Variants in ALKBH1 observed in about 807,000 individuals in gnomAD.
ALKBH1 encodes nucleic acid dioxygenase ALKBH1.
In ALKBH1, 31 loss-of-function variants were observed where a neutral mutation model predicts 36.6. The ratio of observed to expected loss-of-function variants is 0.85; its 90% CI spans 0.64 to 1.14. ALKBH1 has a LOEUF of 1.14. ALKBH1 is among the 50% of genes most tolerant of loss of function. ALKBH1 has a pLI of 0.00. For missense variants in ALKBH1, 490 were observed against 497.3 expected, an observed-to-expected ratio of 0.99 and a Z score of 0.14; for synonymous variants, 183 against 186.6, an observed-to-expected ratio of 0.98 and a Z score of 0.16.
In ALKBH1 at chr14:77,674,190, G is replaced by A. The variant is rs2080192471; in HGVS notation, c.792C>T (p.Ala264=). 6.2e-7 allele frequency: 1 copy of A among 1,613,606 alleles called. No individual in the cohort carries two copies. The highest frequency in any genetic ancestry group is 1.1e-5 in the South Asian group (1 of 91,014). Residue 264 remains alanine, a synonymous_variant, in exon 6 of 6, where the codon GCC becomes GCT. Transcript: ENST00000216489. ...CACTGTGCATAAACATGGCCGTGGG[G>A]GCCTCATCCCTTTGAAGACCACCCA... The part of the protein sequence containing the change: ...FLLGGLQRDE[A]PTAMFMHSGD...
In ALKBH1 at chr14:77,674,057, G is replaced by A; in HGVS notation, c.925C>T (p.Leu309Phe). 1.2e-6 allele frequency: 2 copies of A among 1,614,212 alleles called. No homozygotes were observed. The highest frequency in any genetic ancestry group is 1.7e-6 in the Non-Finnish European group (2 of 1,180,044). The change falls in exon 6 of 6, where the codon CTC (leucine) becomes TTC (phenylalanine). Residue 309 changes from leucine to phenylalanine, a missense_variant. Physicochemically the swap from Leu to Phe is conservative, Grantham distance 22 (BLOSUM62 0). Coordinates refer to ENST00000216489, the MANE Select transcript of ALKBH1 (RefSeq NM_006020.3). ...EGLPHCLEAP[L>F]PAVLPRDSMV... ...GAATCTCTCGGGAGGACAGCAGGGA[G>A]AGGTGCCTCTAGGCAGTGAGGCAGG...
Position 77,673,991 on chromosome 14 carries a change from C to T in ALKBH1, c.991G>A (p.Ala331Thr). The change falls in exon 6 of 6, where the codon GCC (alanine) becomes ACC (threonine). Residue 331 changes from alanine (A) to threonine (T), a missense_variant. Physicochemically the swap from Ala to Thr is moderately conservative, Grantham distance 58. Coordinates refer to ENST00000216489, the MANE Select transcript of ALKBH1 (RefSeq NM_006020.3). Reference protein sequence around the residue: ...PCSMEDWQVCASYLKTARVNM... With the variant: ...PCSMEDWQVCTSYLKTARVNM... The stretch of plus-strand genomic sequence containing the variant: ...ACACGAGCGGTCTTCAAGTAGCTGG[C>T]ACACACCTGCCAGTCCTCCATAGAA... 1 of 1,614,190 alleles carries T rather than the reference C, an allele frequency of 6.2e-7. No individual in the cohort carries two copies. The highest frequency in any genetic ancestry group is 1.7e-5 in the Admixed American group (1 of 60,014).
intron 3 of ALKBH1, among the ~76,000 whole-genome samples, chr14:77,687,430 T>C (rs892838296): frequency 7.9e-5 from 12 of 152,206 alleles, no homozygotes; most frequent in Non-Finnish European, 1.2e-4. Context: ...TACTTAAGAA[T>C]AGACAATAAA....
chr14:77,675,736 A>G lies in ALKBH1; in HGVS notation c.660T>C (p.Asn220=). 6.2e-7 allele frequency: 1 copy of G among 1,614,038 alleles called. No homozygotes were observed. Among genetic ancestry groups the G allele is most frequent in the East Asian group, 2.2e-5 (1 of 44,882 alleles). ...EDFRAEAGIL[N]YYRLDSTLGI... is the part of the protein sequence containing the mutation. ...CCAGTGTGGAGTCCAGGCGGTAGTAATTCAGGATCCCTGCTTCAGCTCGGA... is the reference window on the plus strand; with the variant it reads ...CCAGTGTGGAGTCCAGGCGGTAGTAGTTCAGGATCCCTGCTTCAGCTCGGA... The change falls in exon 5 of 6, where the codon AAT becomes AAC. Residue 220 remains asparagine, a synonymous_variant. Transcript: ENST00000216489.
At chr14:77,686,378 T>G (rs756626367) in intron 3 of ALKBH1, among the ~76,000 whole-genome samples, 2 of 152,204 alleles carry the variant, frequency 1.3e-5, no homozygotes, top group African/African-American at 2.4e-5. Context: ...AGGAAATACG[T>G]TGGCACCTAA....
At chr14:77,707,727 G>T (rs2080403809) in intron 1 of ALKBH1, 95 bp downstream of exon 1, 1 of 1,378,762 alleles carries the variant, frequency 7.3e-7, no homozygotes, top group Non-Finnish European at 9.8e-7. Flanking sequence ...AATAACAATC[G>T]GTCTGGAGGT....
chr14:77,699,223 A>G (rs376551059), intron 2 of ALKBH1, among the ~76,000 whole-genome samples: 1 of 152,264 alleles, frequency 6.6e-6, no homozygotes, highest in East Asian at 1.9e-4. Flanking sequence ...TATTAGCAAT[A>G]ACGACACATT....
chr14:77,706,282 G>C (rs1218808567), intron 1 of ALKBH1, among the ~76,000 whole-genome samples: 1 of 152,014 alleles, frequency 6.6e-6, no homozygotes, highest in East Asian at 1.9e-4. Context: ...AGTTTTCCAG[G>C]TACCTAGGCA....
rs1320031051 is a variant in ALKBH1, at chr14:77,673,344, T to C, written c.*468A>G. The C allele has an allele frequency of 1.9e-5, 3 of 157,550 alleles. No individual in the cohort carries two copies. The highest frequency in any genetic ancestry group is 1.9e-4 in the South Asian group (1 of 5,386). 9.8% of individuals were successfully genotyped at this position (157,550 alleles called of 1,614,324 possible). A position where few individuals can be genotyped will look rare whatever the true frequency, so the allele number is the denominator to read the frequency against. Reference sequence around the variant, plus strand: ...GAGGTGGAAGAGAAGATCAAAGAATTTGATGATGCCTGAGGGAGTTAAGAA... The same window carrying C: ...GAGGTGGAAGAGAAGATCAAAGAATCTGATGATGCCTGAGGGAGTTAAGAA... On this transcript the variant is annotated 3_prime_UTR_variant, in exon 6 of 6. Transcript: ENST00000216489.
intron 2 of ALKBH1, among the ~76,000 whole-genome samples, chr14:77,698,718 C>T (rs2080342360): frequency 6.6e-6 from 1 of 152,150 alleles, no homozygotes; most frequent in Non-Finnish European, 1.5e-5. Context: ...TGTTTTCTGT[C>T]AAGAACTAGA....
chr14:77,689,966 G>A (rs1329179011), intron 3 of ALKBH1, among the ~76,000 whole-genome samples: 1 of 152,104 alleles, frequency 6.6e-6, no homozygotes, highest in Non-Finnish European at 1.5e-5. Context: ...GGCAGCCTGG[G>A]CAACATAGCA....
intron 3 of ALKBH1, among the ~76,000 whole-genome samples, chr14:77,686,250 A>G (rs1470186664): frequency 6.6e-6 from 1 of 152,346 alleles, no homozygotes; most frequent in Admixed American, 6.5e-5. Context: ...ATCATTTTTA[A>G]GCATAAAATA....
At position 77,672,682 on chromosome 14, in the gene ALKBH1, C is replaced by T. The variant is rs2267755; in HGVS notation, c.*1130G>A. The T allele has an allele frequency of 0.34, 51,020 of 152,036 alleles. 9,847 individuals are homozygous for T. The highest frequency in any genetic ancestry group is 0.5 in the East Asian group (2,597 of 5,154). The allele number at this position is 152,036 out of a possible 1,614,324, so 9.4% of individuals were successfully genotyped here. A position where few individuals can be genotyped will look rare whatever the true frequency, so the allele number is the denominator to read the frequency against. ...AATTCTCTTTCAAATACCAATATCCCTTTAGGAAGATGGTAGTCTACAGTA... is the reference window on the plus strand; with the variant it reads ...AATTCTCTTTCAAATACCAATATCCTTTTAGGAAGATGGTAGTCTACAGTA... On this transcript the variant is annotated 3_prime_UTR_variant, in exon 6 of 6. Transcript: ENST00000216489.
intron 3 of ALKBH1, among the ~76,000 whole-genome samples, chr14:77,681,369 G>A (rs1273119418): frequency 3.9e-5 from 6 of 152,152 alleles, no homozygotes; most frequent in African/African-American, 1.2e-4. Flanking sequence ...AGAATGGGCA[G>A]CATTTAAATA....
At chr14:77,676,443 A>G (rs1177835401) in intron 4 of ALKBH1, among the ~76,000 whole-genome samples, 1 of 152,158 alleles carries the variant, frequency 6.6e-6, no homozygotes, top group Non-Finnish European at 1.5e-5. Context: ...TGTAAATGAG[A>G]CAGTTCTATT....
rs75034386 is a variant in ALKBH1, at chr14:77,685,017, A to G, written c.456-5047T>C. On this transcript the variant is annotated intron_variant, in intron 3 of 5. Coordinates refer to ENST00000216489, the MANE Select transcript of ALKBH1 (RefSeq NM_006020.3). ...CAAAAGATTTAGTCTAATATTCAAG[A>G]ACAGAGAATACATTTTATAAACACA... 7.7e-3 allele frequency among the ~76,000 whole-genome samples: 1,172 copies of G among 152,380 alleles called. 9 individuals are homozygous for G. Among genetic ancestry groups the G allele is most frequent in the African/African-American group, 0.027 (1,128 of 41,590 alleles).
chr14:77,703,546 C>A (rs186844744), intron 2 of ALKBH1, among the ~76,000 whole-genome samples: 1 of 150,454 alleles, frequency 6.6e-6, no homozygotes, highest in African/African-American at 2.5e-5. Flanking sequence ...CCGCCCGCCT[C>A]GGCCTCCCAA....
chr14:77,675,145 G>A (rs751185566), intron 5 of ALKBH1, among the ~76,000 whole-genome samples: 1 of 152,020 alleles, frequency 6.6e-6, no homozygotes, highest in Non-Finnish European at 1.5e-5. Flanking sequence ...ATAAAAGGTA[G>A]GTTACGGCCA....
At chr14:77,693,857 G>C (rs1402820153) in intron 3 of ALKBH1, among the ~76,000 whole-genome samples, 1 of 151,932 alleles carries the variant, frequency 6.6e-6, no homozygotes, top group Non-Finnish European at 1.5e-5. Context: ...CGTGGTGGTG[G>C]ATGCCTGTAA....
Sources: gnomAD v4.1 joint callset for allele counts (sites outside exome capture counted in the v4.1 genomes callset) on GRCh38, gnomAD v4.1.1 for gene constraint, MANE v1.5 for transcripts, NCBI Gene and HGNC (gene_info 2026-07-23, HGNC 2026-07-21) for gene names.